Variants in CTDNEP1 observed in about 807,000 individuals in gnomAD.
CTDNEP1 encodes the protein CTD nuclear envelope phosphatase 1.
In CTDNEP1, 3 loss-of-function variants were observed where a neutral mutation model predicts 30.1. That is an observed-to-expected ratio of 0.10 (90% confidence interval 0.05 to 0.26). The LOEUF is 0.26. Ranked by LOEUF, CTDNEP1 falls within the 10% of genes least tolerant of loss-of-function variation. CTDNEP1 has a pLI of 1.00. For missense variants in CTDNEP1, 158 were observed against 310.4 expected, an observed-to-expected ratio of 0.51 and a Z score of 3.69; for synonymous variants, 123 against 118.8, an observed-to-expected ratio of 1.04 and a Z score of -0.23.
At chr17:7,250,965 C>T (rs1265246301) in intron 1 of CTDNEP1, among the ~76,000 whole-genome samples, 1 of 152,138 alleles carries the variant, frequency 6.6e-6, no homozygotes, top group Non-Finnish European at 1.5e-5. Flanking sequence ...GTTGCCAAAT[C>T]CTGTCCCATC....
chr17:7,251,831 G>C (rs1384901997), upstream of CTDNEP1: 1 of 154,116 alleles, frequency 6.5e-6, no homozygotes, highest in African/African-American at 2.4e-5. Context: ...AGGAGGGGGA[G>C]GGGGAGCCGG....
Position 7,246,670 on chromosome 17 carries a change from TC to T in CTDNEP1, c.360+120del. 1.3e-6 allele frequency: 1 copy of T among 791,588 alleles called. No homozygotes were observed. The highest frequency in any genetic ancestry group is 2.4e-5 in the East Asian group (1 of 41,042). The allele number at this position is 791,588 out of a possible 1,614,324, so 49.0% of individuals were successfully genotyped here. ...GCCACTCCCCTACCATTACACAGCC[TC>T]CCCTCTAGAAAACTGCTCTAACCCG... On this transcript the variant is annotated intron_variant, in intron 4 of 7. Coordinates refer to ENST00000574322, the MANE Select transcript of CTDNEP1 (RefSeq NM_001143775.2). The surrounding 1 kb of genome is among the most constrained non-coding windows in gnomAD (Gnocchi z 4.9).
chr17:7,248,352 CTTTT>C (rs1167534124), intron 1 of CTDNEP1, among the ~76,000 whole-genome samples: 1 of 133,152 alleles, frequency 7.5e-6, no homozygotes, highest in Admixed American at 7.2e-5. Context: ...AACGTGCCCT[CTTTT>C]TTTTTCTTTT....
intron 1 of CTDNEP1, among the ~76,000 whole-genome samples, chr17:7,250,801 C>G (rs748473186): frequency 1.3e-5 from 2 of 152,056 alleles, no homozygotes; most frequent in African/African-American, 4.8e-5. Flanking sequence ...TGTTATAGGA[C>G]CAAACACACA....
In CTDNEP1 at chr17:7,251,305, C is replaced by T. The variant is rs752390092; in HGVS notation, c.-9G>A. The T allele has an allele frequency of 6.6e-7, 1 of 1,525,688 alleles. No individual in the cohort carries two copies. 94.5% of individuals were successfully genotyped at this position (1,525,688 alleles called of 1,614,324 possible). A position where few individuals can be genotyped will look rare whatever the true frequency, so the allele number is the denominator to read the frequency against. ...CACTGCGTCCGCATCATCCCGATGACCCCGGCACCGCCGGCCCCGGGGCCC... is the reference window on the plus strand; with the variant it reads ...CACTGCGTCCGCATCATCCCGATGATCCCGGCACCGCCGGCCCCGGGGCCC... On this transcript the variant is annotated 5_prime_UTR_variant, in exon 1 of 8. Coordinates refer to ENST00000574322, the MANE Select transcript of CTDNEP1 (RefSeq NM_001143775.2).
Position 7,244,307 on chromosome 17 carries a change from T to C in CTDNEP1, c.675-62A>G, listed in dbSNP as rs115870530. 3.0e-4 allele frequency: 467 copies of C among 1,556,388 alleles called. No homozygotes were observed. The African/African-American group carries it at 5.2e-3, about 17-fold the overall frequency. On this transcript the variant is annotated intron_variant, in intron 7 of 7. Coordinates refer to ENST00000574322, the MANE Select transcript of CTDNEP1 (RefSeq NM_001143775.2). ...ATAGTTCATACCCTCACAACACTCTTGTAAGGCAGCATCACTGGAGATGTG... is the reference window on the plus strand; with the variant it reads ...ATAGTTCATACCCTCACAACACTCTCGTAAGGCAGCATCACTGGAGATGTG...
rs751823609 is a variant in CTDNEP1, at chr17:7,247,144, C to T, written c.208G>A (p.Glu70Lys). The change falls in exon 3 of 8, where the codon GAG (glutamate) becomes AAG (lysine). Residue 70 changes from glutamate (E) to lysine (K), a missense_variant. Physicochemically the swap from Glu to Lys is moderately conservative, Grantham distance 56. Transcript: ENST00000574322. ...TCATGGTGGGAGTGAATAAGTGTCT[C>T]ATCCAGATCCAGCACCAGGATCTTC... Reference protein sequence around the residue: ...KRKILVLDLDETLIHSHHDGV... With the variant: ...KRKILVLDLDKTLIHSHHDGV... 1 of 1,614,036 alleles carries T rather than the reference C, an allele frequency of 6.2e-7. No individual in the cohort carries two copies. The highest frequency in any genetic ancestry group is 8.5e-7 in the Non-Finnish European group (1 of 1,179,996).
rs779711453 is a variant in CTDNEP1 at position 7,246,154 on chromosome 17, C to G, written c.478-17G>C. ...AGTGCAGTGCTGGAAGGCAGGGGAT[C>G]ATGTAGCAGGCCTCTCTCCAGGATA... On this transcript the variant is annotated splice_polypyrimidine_tract_variant and intron_variant, in intron 5 of 7. Coordinates refer to ENST00000574322, the MANE Select transcript of CTDNEP1 (RefSeq NM_001143775.2). The surrounding 1 kb of genome is among the most constrained non-coding windows in gnomAD (Gnocchi z 4.9). 1.1e-5 allele frequency: 17 copies of G among 1,603,816 alleles called. No homozygotes were observed. The highest frequency in any genetic ancestry group is 1.5e-5 in the Non-Finnish European group (17 of 1,170,682).
Position 7,250,839 on chromosome 17 carries a change from A to G in CTDNEP1, c.102+356T>C, listed in dbSNP as rs564420567. ...GAGGTTCCAAATAGGGTCTTTCCCA[A>G]GCCCACATCCACAGATCCGGCTGTC... On this transcript the variant is annotated intron_variant, in intron 1 of 7. Transcript: ENST00000574322. Among the ~76,000 whole-genome samples the G allele has an allele frequency of 4.6e-5, 7 of 152,222 alleles. No homozygotes were observed. In the East Asian group the frequency reaches 1.4e-3, roughly 29 times the overall value.
chr17:7,246,176 G>C lies in CTDNEP1; in HGVS notation c.478-39C>G. ...GATCATGTAGCAGGCCTCTCTCCAG[G>C]ATACTCTCCTCAAACCCAGATCCCT... On this transcript the variant is annotated intron_variant, in intron 5 of 7. Coordinates refer to ENST00000574322, the MANE Select transcript of CTDNEP1 (RefSeq NM_001143775.2). The surrounding 1 kb of genome is among the most constrained non-coding windows in gnomAD (Gnocchi z 4.9). The C allele has an allele frequency of 1.3e-6, 2 of 1,589,298 alleles. No homozygotes were observed. The highest frequency in any genetic ancestry group is 2.7e-5 in the African/African-American group (2 of 74,448).
chr17:7,246,609 T>G lies in CTDNEP1; in HGVS notation c.360+182A>C. On this transcript the variant is annotated intron_variant, in intron 4 of 7. Coordinates refer to ENST00000574322, the MANE Select transcript of CTDNEP1 (RefSeq NM_001143775.2). This position sits in a 1 kb window ranked among gnomAD's most constrained non-coding sequence, Gnocchi z 4.9. ...GAGAAAGATGCCAGCGGAAAAGAAT[T>G]ACATCAGCACAACAAATGAACCCCA... 1.5e-6 allele frequency: 1 copy of G among 677,504 alleles called. No homozygotes were observed. Among genetic ancestry groups the G allele is most frequent in the Non-Finnish European group, 2.6e-6 (1 of 379,752 alleles). The allele number at this position is 677,504 out of a possible 1,614,324, so 42.0% of individuals were successfully genotyped here.
At chr17:7,247,496 T>C (rs2071856857) in intron 1 of CTDNEP1, among the ~76,000 whole-genome samples, 153 bp from the exon 2 acceptor site, 1 of 147,676 alleles carries the variant, frequency 6.8e-6, no homozygotes, top group African/African-American at 2.5e-5. Flanking sequence ...TGAGATGGAG[T>C]CTCGCTCTGT....
chr17:7,251,453 C>G lies in CTDNEP1; in HGVS notation c.-157G>C, dbSNP rs182019264. Reference sequence around the variant, plus strand: ...CGGAGCGGGCGGCTCAGAAAGCCACCCCTGGCGAGGGTAAAGCCCAGCGGA... The same window carrying G: ...CGGAGCGGGCGGCTCAGAAAGCCACGCCTGGCGAGGGTAAAGCCCAGCGGA... On this transcript the variant is annotated 5_prime_UTR_variant, in exon 1 of 8. Coordinates refer to ENST00000574322, the MANE Select transcript of CTDNEP1 (RefSeq NM_001143775.2). 7.0e-3 allele frequency: 3,164 copies of G among 451,860 alleles called. 93 individuals carry two copies. The highest frequency in any genetic ancestry group is 0.059 in the African/African-American group (2,830 of 47,978). 28.0% of individuals were successfully genotyped at this position (451,860 alleles called of 1,614,324 possible). A position where few individuals can be genotyped will look rare whatever the true frequency, so the allele number is the denominator to read the frequency against.
At chr17:7,244,408 T>A in intron 7 of CTDNEP1, 143 bp downstream of exon 7, 1 of 1,181,562 alleles carries the variant, frequency 8.5e-7, no homozygotes, top group Non-Finnish European at 1.2e-6. Context: ...GTGATGAGCT[T>A]TGAAGTAAGA....
chr17:7,247,656 G>A (rs937566245), intron 1 of CTDNEP1, among the ~76,000 whole-genome samples: 2 of 151,572 alleles, frequency 1.3e-5, no homozygotes, highest in African/African-American at 4.8e-5. Flanking sequence ...TCTAGTAGAG[G>A]CGGGGTTTAA....
chr17:7,251,473 A>G lies in CTDNEP1; in HGVS notation c.-177T>C. 1 of 423,898 alleles carries G rather than the reference A, an allele frequency of 2.4e-6. No homozygotes were observed. The highest frequency in any genetic ancestry group is 4.1e-6 in the Non-Finnish European group (1 of 244,680). The allele number at this position is 423,898 out of a possible 1,614,324, so 26.3% of individuals were successfully genotyped here. ...GCCACCCCTGGCGAGGGTAAAGCCC[A>G]GCGGAACGGGGAGCTGGGGGACAGG... On this transcript the variant is annotated 5_prime_UTR_variant, in exon 1 of 8. Coordinates refer to ENST00000574322, the MANE Select transcript of CTDNEP1 (RefSeq NM_001143775.2).
chr17:7,244,559 A>G lies in CTDNEP1; in HGVS notation c.666T>C (p.Asp222=). Reference sequence around the variant, plus strand: ...GAGCCCACTTCCCTTACCTGAGGGCATCCAGCATTGGGAGCAGGTTGAGAA... The same window carrying G: ...GAGCCCACTTCCCTTACCTGAGGGCGTCCAGCATTGGGAGCAGGTTGAGAA... ...TALLNLLPML[D]ALRFTADVRS... Residue 222 remains aspartate, a synonymous_variant, in exon 7 of 8, where the codon GAT becomes GAC. Coordinates refer to ENST00000574322, the MANE Select transcript of CTDNEP1 (RefSeq NM_001143775.2). 6.2e-7 allele frequency: 1 copy of G among 1,613,806 alleles called. No homozygotes were observed. Among genetic ancestry groups the G allele is most frequent in the Non-Finnish European group, 8.5e-7 (1 of 1,179,732 alleles).
Position 7,243,614 on chromosome 17 carries a change from T to C in CTDNEP1, c.*571A>G, listed in dbSNP as rs1481982752. 1.3e-5 allele frequency: 2 copies of C among 152,558 alleles called. No individual in the cohort carries two copies. The highest frequency in any genetic ancestry group is 3.8e-4 in the East Asian group (2 of 5,196). The allele number at this position is 152,558 out of a possible 1,614,324, so 9.5% of individuals were successfully genotyped here. On this transcript the variant is annotated 3_prime_UTR_variant, in exon 8 of 8. Coordinates refer to ENST00000574322, the MANE Select transcript of CTDNEP1 (RefSeq NM_001143775.2). Reference sequence around the variant, plus strand: ...GCTTTGGTTTCAAAGTTATAATGCATGGTTTAAAAGAGAGAAAAGGAAAAA... The same window carrying C: ...GCTTTGGTTTCAAAGTTATAATGCACGGTTTAAAAGAGAGAAAAGGAAAAA...
intron 1 of CTDNEP1, among the ~76,000 whole-genome samples, chr17:7,250,086 G>C (rs2071892744): frequency 6.6e-6 from 1 of 152,046 alleles, no homozygotes; most frequent in Non-Finnish European, 1.5e-5. Context: ...GTAAAGGACA[G>C]AATGAACCCA....
Sources: gnomAD v4.1 joint callset for allele counts (sites outside exome capture counted in the v4.1 genomes callset) on GRCh38, gnomAD v4.1.1 for gene constraint, Gnocchi (gnomAD v3.1) non-coding constraint, MANE v1.5 for transcripts, NCBI Gene and HGNC (gene_info 2026-07-23, HGNC 2026-07-21) for gene names.